The following ACVR2A variants were observed in gnomAD, a reference collection of about 807,000 sequenced individuals.
ACVR2A encodes activin receptor type-2A.
A neutral mutation model predicts 61.4 loss-of-function variants in ACVR2A; 7 were observed. The observed-to-expected ratio is 0.11, with a 90% CI of 0.06 to 0.21. ACVR2A has a LOEUF of 0.21. Ranked by LOEUF, ACVR2A falls within the 10% of genes least tolerant of loss-of-function variation. The pLI is 1.00. For synonymous variants in ACVR2A, 193 were observed against 208.3 expected (o/e 0.93, Z 0.63); for missense variants, 322 against 621.7 (o/e 0.52, Z 5.13).
At chr2:147,873,430 G>A (rs1293597882) in intron 1 of ACVR2A, among the ~76,000 whole-genome samples, 1 of 151,868 alleles carries the variant, frequency 6.6e-6, no homozygotes, top group African/African-American at 2.4e-5. Context: ...AATCCAGTGT[G>A]TATCTTGTAC....
chr2:147,924,444 G>T (rs2105223318), intron 9 of ACVR2A, among the ~76,000 whole-genome samples: 1 of 152,102 alleles, frequency 6.6e-6, no homozygotes, highest in East Asian at 1.9e-4. Flanking sequence ...TTCTGGGTTA[G>T]TGCAATACTT....
intron 1 of ACVR2A, among the ~76,000 whole-genome samples, chr2:147,886,771 CT>C (rs377359030): frequency 0.024 from 3,048 of 128,334 alleles, 23 homozygotes; most frequent in Non-Finnish European, 0.032. Context: ...CTAGTGGCAT[CT>C]TTTTTTTTTT....
At chr2:147,873,616 C>A (rs933555887) in intron 1 of ACVR2A, among the ~76,000 whole-genome samples, 2 of 151,680 alleles carry the variant, frequency 1.3e-5, no homozygotes, top group Admixed American at 1.3e-4. Context: ...CTAAGGTAGA[C>A]CTTGTGCAGG....
intron 1 of ACVR2A, among the ~76,000 whole-genome samples, chr2:147,892,358 A>T (rs908554985): frequency 2.6e-5 from 4 of 151,518 alleles, no homozygotes; most frequent in African/African-American, 9.7e-5. Context: ...GTTGAGAGGA[A>T]GTCCATGGCA....
chr2:147,852,375 A>G (rs1048416145), intron 1 of ACVR2A, among the ~76,000 whole-genome samples: 2 of 152,094 alleles, frequency 1.3e-5, no homozygotes, highest in African/African-American at 2.4e-5. Context: ...TAATTGATTC[A>G]TTGACCAACT....
At chr2:147,910,535 A>G (rs1252545053) in intron 4 of ACVR2A, among the ~76,000 whole-genome samples, 1 of 152,144 alleles carries the variant, frequency 6.6e-6, no homozygotes, top group African/African-American at 2.4e-5. Context: ...GAAGGAAGAA[A>G]ACTAGTTAAG....
intron 9 of ACVR2A, 95 bp downstream of exon 9, chr2:147,923,206 GT>G (rs1553446983): frequency 8.8e-5 from 119 of 1,345,716 alleles, no homozygotes; most frequent in Middle Eastern, 2.4e-4. Flanking sequence ...TTAAAGTACA[GT>G]TTTTTTTTAA....
chr2:147,873,803 ATAGT>A (rs1178551883), intron 1 of ACVR2A, among the ~76,000 whole-genome samples: 2 of 152,010 alleles, frequency 1.3e-5, no homozygotes, highest in African/African-American at 4.8e-5. Context: ...CCAAAATATA[ATAGT>A]TGGTTCTTTT....
At chr2:147,876,456 T>G (rs969135825) in intron 1 of ACVR2A, among the ~76,000 whole-genome samples, 4 of 152,064 alleles carry the variant, frequency 2.6e-5, no homozygotes, top group African/African-American at 9.7e-5. Flanking sequence ...AAATTATGCC[T>G]TGAGGCATAT....
chr2:147,915,714 A>G (rs77726070), intron 5 of ACVR2A, among the ~76,000 whole-genome samples: 1,924 of 152,084 alleles, frequency 0.013, 47 homozygotes, highest in African/African-American at 0.044. Flanking sequence ...TTGTTTTAGA[A>G]TTGGTATTTA....
chr2:147,917,895 T>A (rs1247079865), intron 6 of ACVR2A, among the ~76,000 whole-genome samples: 1 of 151,942 alleles, frequency 6.6e-6, no homozygotes, highest in Non-Finnish European at 1.5e-5. Flanking sequence ...TCCTCAATTT[T>A]TCTACTTTTA....
Position 147,929,282 on chromosome 2 carries a change from G to A in ACVR2A, c.*2008G>A, listed in dbSNP as rs1371342782. The A allele has an allele frequency of 2.0e-5, 3 of 151,928 alleles. No homozygotes were observed. The highest frequency in any genetic ancestry group is 4.4e-5 in the Non-Finnish European group (3 of 67,932). The allele number at this position is 151,928 out of a possible 1,614,324, so 9.4% of individuals were successfully genotyped here. A position where few individuals can be genotyped will look rare whatever the true frequency, so the allele number is the denominator to read the frequency against. On this transcript the variant is annotated 3_prime_UTR_variant, in exon 11 of 11. Transcript: ENST00000241416. ...TTGCTTCCATTTAAAAACTAATCAA[G>A]AAGGGAAAATATTGAGAATGTGCAT...
chr2:147,918,181 AAAC>A (rs1687298243), intron 6 of ACVR2A, among the ~76,000 whole-genome samples: 1 of 151,778 alleles, frequency 6.6e-6, no homozygotes, highest in Non-Finnish European at 1.5e-5. Flanking sequence ...AAAAAAAAAA[AAAC>A]AAACTTGTCT....
chr2:147,899,983 C>T, intron 4 of ACVR2A, 85 bp downstream of exon 4: 1 of 1,400,044 alleles, frequency 7.1e-7, no homozygotes, highest in Non-Finnish European at 9.7e-7. Context: ...TAACTTATTA[C>T]AGATTATTTT....
chr2:147,892,078 T>C (rs1686601013), intron 1 of ACVR2A, among the ~76,000 whole-genome samples: 1 of 152,058 alleles, frequency 6.6e-6, no homozygotes, highest in Non-Finnish European at 1.5e-5. Context: ...TTCAAGGGAT[T>C]CTCCTGCCTT....
At chr2:147,902,433 T>A (rs1686891420) in intron 4 of ACVR2A, among the ~76,000 whole-genome samples, 1 of 152,028 alleles carries the variant, frequency 6.6e-6, no homozygotes, top group African/African-American at 2.4e-5. Context: ...TTTTCTGCCA[T>A]CTCAAAATCA....
At chr2:147,895,248 T>C (rs1459840506) in intron 1 of ACVR2A, among the ~76,000 whole-genome samples, 1 of 151,956 alleles carries the variant, frequency 6.6e-6, no homozygotes, top group Admixed American at 6.5e-5. Context: ...AAATTATAAT[T>C]GCATAAAATT....
chr2:147,862,985 A>G (rs1185432021), intron 1 of ACVR2A, among the ~76,000 whole-genome samples: 4 of 152,168 alleles, frequency 2.6e-5, no homozygotes, highest in African/African-American at 4.8e-5. Context: ...TTAAGTTTTC[A>G]TGATAATGTG....
chr2:147,847,396 A>G (rs540608053), intron 1 of ACVR2A, among the ~76,000 whole-genome samples: 2 of 152,266 alleles, frequency 1.3e-5, no homozygotes, highest in South Asian at 4.1e-4. Flanking sequence ...CAACTAATTG[A>G]TTTTTCTACA....
Sources: allele counts gnomAD v4.1 joint callset (sites outside exome capture counted in the v4.1 genomes callset), GRCh38; gene constraint gnomAD v4.1.1; transcripts MANE v1.5; gene names NCBI Gene and HGNC (gene_info 2026-07-23, HGNC 2026-07-21).